Variants in MYLK4 observed in about 807,000 individuals in gnomAD.
The protein encoded by MYLK4 is caMLCK like.
Under a neutral mutation model 48.1 loss-of-function variants are expected in MYLK4, and 46 were observed. The ratio of observed to expected loss-of-function variants is 0.96; its 90% CI spans 0.75 to 1.22. MYLK4 has a LOEUF of 1.22. MYLK4 is among the 50% of genes most tolerant of loss of function. MYLK4 has a pLI of 0.00. For missense variants in MYLK4, 451 were observed against 486.1 expected, an observed-to-expected ratio of 0.93 and a Z score of 0.68; for synonymous variants, 170 against 180.8, an observed-to-expected ratio of 0.94 and a Z score of 0.48.
intron 2 of MYLK4, among the ~76,000 whole-genome samples, chr6:2,694,507 TGGTGGC>T (rs1761953155): frequency 3.7e-5 from 1 of 26,880 alleles, no homozygotes; most frequent in East Asian, 6.8e-4. Context: ...GTGGTGGTGG[TGGTGGC>T]GGTGGTGGTG....
chr6:2,688,053 CTTTTCTTTTT>C (rs138868406), intron 4 of MYLK4, among the ~76,000 whole-genome samples: 12,287 of 151,556 alleles, frequency 0.081, 530 homozygotes, highest in South Asian at 0.16. Flanking sequence ...GGTTTTTTTT[CTTTTCTTTTT>C]TTTTCTTTTT....
intron 6 of MYLK4, among the ~76,000 whole-genome samples, chr6:2,683,392 TGTGTGTG>T (rs1561836809): frequency 2.1e-4 from 12 of 57,538 alleles, no homozygotes; most frequent in Admixed American, 1.0e-3. Flanking sequence ...CCCACCTTTT[TGTGTGTG>T]TGTGTGTGTG....
chr6:2,689,360 TATATC>T (rs1761685581), intron 3 of MYLK4, among the ~76,000 whole-genome samples: 1 of 152,262 alleles, frequency 6.6e-6, no homozygotes, highest in South Asian at 2.1e-4. Flanking sequence ...TTATTTTAAT[TATATC>T]AGAGACAAAA....
intron 2 of MYLK4, among the ~76,000 whole-genome samples, chr6:2,698,599 C>T (rs769555460): frequency 6.6e-6 from 1 of 152,032 alleles, no homozygotes; most frequent in Non-Finnish European, 1.5e-5. Flanking sequence ...AATATCTAAA[C>T]AAAAGTATAA....
intron 10 of MYLK4, among the ~76,000 whole-genome samples, chr6:2,676,113 A>AAAAC (rs1157484340): frequency 2.2e-4 from 34 of 152,112 alleles, no homozygotes; most frequent in African/African-American, 7.2e-4. Context: ...AAAAAATGAA[A>AAAAC]AAACAAACAA....
At chr6:2,764,784 C>T in the MYLK4 span, among the ~76,000 whole-genome samples, 1 of 152,162 alleles carries the variant, frequency 6.6e-6, no homozygotes, top group Non-Finnish European at 1.5e-5. Flanking sequence ...AGGTGAACCG[C>T]CCTTGACTTA....
chr6:2,765,841 G>A, the MYLK4 span: 2 of 1,393,334 alleles, frequency 1.4e-6, no homozygotes, highest in Non-Finnish European at 1.9e-6. Flanking sequence ...AGAGGCGGCG[G>A]CTGTCGGAGA....
intron 2 of MYLK4, among the ~76,000 whole-genome samples, chr6:2,697,797 T>C (rs1762121180): frequency 6.6e-6 from 1 of 152,246 alleles, no homozygotes; most frequent in African/African-American, 2.4e-5. Flanking sequence ...AATGTGTCTG[T>C]CTGCCCGCTG....
At chr6:2,743,980 G>A (rs1177927887) in intron 2 of MYLK4, 1 of 398,748 alleles carries the variant, frequency 2.5e-6, no homozygotes, top group African/African-American at 2.1e-5. Context: ...CTGAAGACGA[G>A]AGAAGGCACA....
At position 2,673,160 on chromosome 6, in the gene MYLK4, T is replaced by G. The variant is rs1760967321; in HGVS notation, c.1120-1812A>C. 3.3e-5 allele frequency among the ~76,000 whole-genome samples: 5 copies of G among 152,216 alleles called. No homozygotes were observed. In the South Asian group the frequency reaches 1.0e-3, roughly 32 times the overall value. On this transcript the variant is annotated intron_variant, in intron 11 of 12. Coordinates refer to ENST00000274643, the MANE Select transcript of MYLK4 (RefSeq NM_001012418.5). The surrounding 1 kb of genome is among the most constrained non-coding windows in gnomAD (Gnocchi z 4.2). ...CAATGTCATTAATTATCTGCTGTGG[T>G]TTCTATACTATCCTGCCATGTCAAA...
At chr6:2,731,015 T>A (rs1005245432) in intron 2 of MYLK4, among the ~76,000 whole-genome samples, 1 of 152,150 alleles carries the variant, frequency 6.6e-6, no homozygotes, top group East Asian at 1.9e-4. Flanking sequence ...AAAGACCTTT[T>A]CTTACAGAAA....
upstream of MYLK4, among the ~76,000 whole-genome samples, chr6:2,753,504 AGATT>A (rs1220222230): frequency 6.6e-6 from 1 of 152,234 alleles, no homozygotes; most frequent in African/African-American, 2.4e-5. Flanking sequence ...ATAAAAACGA[AGATT>A]GATAAATTGC....
At chr6:2,762,235 CAA>C in the MYLK4 span, among the ~76,000 whole-genome samples, 16 of 152,260 alleles carry the variant, frequency 1.1e-4, 1 homozygote, top group South Asian at 3.1e-3. Context: ...CCATAGTACA[CAA>C]GTTTCCCATG....
chr6:2,705,638 T>A (rs1248325915), intron 2 of MYLK4, among the ~76,000 whole-genome samples: 5 of 152,216 alleles, frequency 3.3e-5, no homozygotes, highest in Non-Finnish European at 5.9e-5. Context: ...GCACTTTTTG[T>A]TGTTGTGTAA....
At chr6:2,707,144 C>T (rs9503263) in intron 2 of MYLK4, among the ~76,000 whole-genome samples, 1 of 152,150 alleles carries the variant, frequency 6.6e-6, no homozygotes, top group African/African-American at 2.4e-5. Flanking sequence ...TTACATACTC[C>T]ATACTCAGGT....
chr6:2,688,022 A>G (rs960348459), intron 4 of MYLK4, among the ~76,000 whole-genome samples: 11 of 151,874 alleles, frequency 7.2e-5, no homozygotes, highest in African/African-American at 2.4e-4. Context: ...CGGGTCCCTG[A>G]TGGACTTTAA....
At chr6:2,741,040 T>C (rs1763882847) in intron 2 of MYLK4, among the ~76,000 whole-genome samples, 1 of 152,194 alleles carries the variant, frequency 6.6e-6, no homozygotes, top group Admixed American at 6.5e-5. Context: ...AATCTATAAA[T>C]AAAACATCAA....
chr6:2,682,772 C>A (rs950598612), intron 7 of MYLK4, among the ~76,000 whole-genome samples: 1 of 152,138 alleles, frequency 6.6e-6, no homozygotes, highest in African/African-American at 2.4e-5. Context: ...TTTAGGGAAA[C>A]CATTGCCATA....
intron 12 of MYLK4, among the ~76,000 whole-genome samples, chr6:2,668,233 C>T (rs1216557255): frequency 1.3e-5 from 2 of 152,094 alleles, no homozygotes; most frequent in African/African-American, 2.4e-5. Flanking sequence ...CTCTTTGTTT[C>T]GTCTGAAGTA....
Sources: gnomAD v4.1 joint callset for allele counts (sites outside exome capture counted in the v4.1 genomes callset) on GRCh38, gnomAD v4.1.1 for gene constraint, Gnocchi (gnomAD v3.1) non-coding constraint, MANE v1.5 for transcripts, NCBI Gene and HGNC (gene_info 2026-07-23, HGNC 2026-07-21) for gene names.